ZNF385D: variants seen among roughly 807,000 people sequenced by gnomAD.
The protein encoded by ZNF385D is zinc finger protein 385D, also known as zinc finger protein 659.
In ZNF385D, 15 loss-of-function variants were observed where a neutral mutation model predicts 35.8. That is an observed-to-expected ratio of 0.42 (90% CI 0.28 to 0.64). The LOEUF is 0.64. ZNF385D is among the 30% of genes least tolerant of loss of function. ZNF385D has a pLI of 0.23. For synonymous variants in ZNF385D, 212 were observed against 186.8 expected, an observed-to-expected ratio of 1.13 and a Z score of -1.10; for missense variants, 474 against 494.6, an observed-to-expected ratio of 0.96 and a Z score of 0.39.
chr3:21,532,168 A>G (rs1468565638), intron 3 of ZNF385D, among the ~76,000 whole-genome samples: 1 of 152,146 alleles, frequency 6.6e-6, no homozygotes, highest in Non-Finnish European at 1.5e-5. Flanking sequence ...GGCTGCTGCA[A>G]TCATCTTTCA....
intron 3 of ZNF385D, among the ~76,000 whole-genome samples, chr3:22,016,387 C>A (rs1696886857): frequency 6.6e-6 from 1 of 152,090 alleles, no homozygotes; most frequent in South Asian, 2.1e-4. Flanking sequence ...CTATACTTAG[C>A]ATTCTATGTA....
intron 2 of ZNF385D, among the ~76,000 whole-genome samples, chr3:22,312,869 A>C (rs1341485332): frequency 1.5e-5 from 2 of 134,152 alleles, no homozygotes; most frequent in Non-Finnish European, 3.1e-5. Context: ...CTAGAACTAG[A>C]AATACCATTT....
chr3:22,063,458 G>A lies in ZNF385D; in HGVS notation c.325+105359C>T, dbSNP rs1699787238. ...ATTTCATCTGCAAGCAATTTATTTA[G>A]AATATTCAATAGATTTTTACATAAA... On this transcript the variant is annotated intron_variant, in intron 3 of 5. Transcript: ENST00000494108. Among the ~76,000 whole-genome samples the A allele has an allele frequency of 2.6e-5, 4 of 152,162 alleles. No individual in the cohort carries two copies. In the South Asian group the frequency reaches 8.3e-4, roughly 32 times the overall value.
At chr3:22,228,119 T>C (rs889532395) in intron 2 of ZNF385D, among the ~76,000 whole-genome samples, 8 of 152,100 alleles carry the variant, frequency 5.3e-5, no homozygotes, top group African/African-American at 1.9e-4. Flanking sequence ...ATAGCAGAGA[T>C]GGTAGCACTC....
chr3:21,916,175 A>C (rs988990738), intron 3 of ZNF385D, among the ~76,000 whole-genome samples: 2 of 152,194 alleles, frequency 1.3e-5, no homozygotes, highest in African/African-American at 4.8e-5. Context: ...ATATTTTGTT[A>C]ATCACAATGC....
At chr3:21,917,496 G>A (rs1170539599) in intron 3 of ZNF385D, among the ~76,000 whole-genome samples, 1 of 152,174 alleles carries the variant, frequency 6.6e-6, no homozygotes. Flanking sequence ...TAAAGATGAA[G>A]GACTTGTATC....
At chr3:22,069,853 C>A (rs754987775) in intron 3 of ZNF385D, among the ~76,000 whole-genome samples, 1 of 152,186 alleles carries the variant, frequency 6.6e-6, no homozygotes, top group Non-Finnish European at 1.5e-5. Context: ...CCACTGTAGG[C>A]AGGTACCTTC....
At chr3:21,883,899 G>C (rs565083009) in intron 3 of ZNF385D, among the ~76,000 whole-genome samples, 2 of 151,952 alleles carry the variant, frequency 1.3e-5, no homozygotes, top group Non-Finnish European at 2.9e-5. Context: ...CATCTCATCC[G>C]TTTCACTCTC....
intron 3 of ZNF385D, among the ~76,000 whole-genome samples, chr3:21,550,508 A>T (rs746267157): frequency 1.3e-5 from 2 of 152,140 alleles, no homozygotes; most frequent in Non-Finnish European, 2.9e-5. Context: ...TTTTAGACAG[A>T]GTCTCACTCT....
chr3:21,868,030 A>C (rs1221664775), intron 3 of ZNF385D, among the ~76,000 whole-genome samples: 2 of 152,180 alleles, frequency 1.3e-5, no homozygotes, highest in African/African-American at 4.8e-5. Flanking sequence ...AGTAACAGTA[A>C]CTAAAATATA....
chr3:22,094,397 T>TATTGTTG (rs765674302), intron 3 of ZNF385D, among the ~76,000 whole-genome samples: 1 of 125,244 alleles, frequency 8.0e-6, no homozygotes, highest in Non-Finnish European at 1.9e-5. Flanking sequence ...TATATATATA[T>TATTGTTG]ATATATATAT....
At chr3:21,895,479 C>T (rs565468427) in intron 3 of ZNF385D, among the ~76,000 whole-genome samples, 2 of 150,876 alleles carry the variant, frequency 1.3e-5, no homozygotes, top group South Asian at 4.2e-4. Context: ...AGGCTCATAG[C>T]ACCATGCCTG....
intron 3 of ZNF385D, among the ~76,000 whole-genome samples, chr3:22,140,087 T>C (rs1704409834): frequency 6.6e-6 from 1 of 152,202 alleles, no homozygotes; most frequent in Admixed American, 6.5e-5. Context: ...AACCCATCAA[T>C]TTCATTCCTA....
intron 2 of ZNF385D, among the ~76,000 whole-genome samples, chr3:21,601,294 C>T (rs1461261353): frequency 6.6e-6 from 1 of 152,214 alleles, no homozygotes; most frequent in African/African-American, 2.4e-5. Flanking sequence ...CAGGACAGAT[C>T]TGAATTCTTC....
chr3:22,045,280 A>G (rs887032566), intron 3 of ZNF385D, among the ~76,000 whole-genome samples: 8 of 152,114 alleles, frequency 5.3e-5, no homozygotes, highest in African/African-American at 1.9e-4. Flanking sequence ...GGGGTGCAAT[A>G]TAGGGATTAA....
chr3:21,637,102 A>G (rs1204823515), intron 2 of ZNF385D, among the ~76,000 whole-genome samples: 1 of 152,000 alleles, frequency 6.6e-6, no homozygotes, highest in African/African-American at 2.4e-5. Flanking sequence ...TCTTCATTTT[A>G]ATTAAGTCCC....
chr3:22,170,435 A>G (rs1216796918), intron 2 of ZNF385D, among the ~76,000 whole-genome samples: 1 of 152,244 alleles, frequency 6.6e-6, no homozygotes, highest in Non-Finnish European at 1.5e-5. Flanking sequence ...AAAATGGCTA[A>G]TACTTGAATC....
rs138110302 is a variant in ZNF385D at position 22,303,120 on chromosome 3, C to G, written c.106+69330G>C. Among the ~76,000 whole-genome samples, 707 of 152,252 alleles carry G rather than the reference C, an allele frequency of 4.6e-3. 4 individuals carry two copies. Among genetic ancestry groups the G allele is most frequent in the African/African-American group, 0.016 (659 of 41,558 alleles). On this transcript the variant is annotated intron_variant, in intron 2 of 5. Transcript: ENST00000494108. ...AAGAAACTGCCATTTTCCATCCAAT[C>G]TCCATTCCATTGTTCAATGATAATA...
At chr3:22,238,812 A>G (rs1214546279) in intron 2 of ZNF385D, among the ~76,000 whole-genome samples, 1 of 150,908 alleles carries the variant, frequency 6.6e-6, no homozygotes, top group East Asian at 2.0e-4. Context: ...GGCTCACTGC[A>G]GCCTTGAACT....
Sources: gnomAD v4.1 joint callset for allele counts (sites outside exome capture counted in the v4.1 genomes callset) on GRCh38, gnomAD v4.1.1 for gene constraint, MANE v1.5 for transcripts, NCBI Gene and HGNC (gene_info 2026-07-23, HGNC 2026-07-21) for gene names.